The following SOX6 variants were observed in gnomAD, a reference collection of about 807,000 sequenced individuals.
SOX6 encodes SRY-box transcription factor 6, also known as transcription factor SOX-6.
Under a neutral mutation model 97.8 loss-of-function variants are expected in SOX6, and 11 were observed. That is an observed-to-expected ratio of 0.11 (90% CI 0.07 to 0.19). The LOEUF (loss-of-function observed/expected upper bound fraction) is 0.19. Ranked by LOEUF, SOX6 falls within the 10% of genes least tolerant of loss-of-function variation. The pLI is 1.00. For synonymous variants in SOX6, 360 were observed against 371.4 expected, an observed-to-expected ratio of 0.97 and a Z score of 0.35; for missense variants, 810 against 1,039.5, an observed-to-expected ratio of 0.78 and a Z score of 3.04.
rs145448276 is a variant in SOX6, at chr11:16,695,087, G to A, written n.429+19743C>T. Among the ~76,000 whole-genome samples the A allele has an allele frequency of 8.5e-5, 13 of 152,222 alleles. No individual in the cohort carries two copies. The East Asian group carries it at 9.7e-4, about 11-fold the overall frequency. On this transcript the variant is annotated intron_variant and non_coding_transcript_variant, in intron 3 of 5. Coordinates refer to the SOX6 transcript ENST00000524520. ...GGAGGTCTTGGAATCAATCCCCCACGGATACCAAGGGATGACTGTAGTTCC... is the reference window on the plus strand; with the variant it reads ...GGAGGTCTTGGAATCAATCCCCCACAGATACCAAGGGATGACTGTAGTTCC...
chr11:16,410,631 G>A (rs960348339), intron 1 of SOX6, among the ~76,000 whole-genome samples: 5 of 151,540 alleles, frequency 3.3e-5, no homozygotes, highest in South Asian at 2.1e-4. Flanking sequence ...GGTGGTGTGC[G>A]CCTCTAATCC....
intron 4 of SOX6, among the ~76,000 whole-genome samples, chr11:16,489,596 C>A (rs1027217939): frequency 6.6e-6 from 1 of 152,008 alleles, no homozygotes; most frequent in Non-Finnish European, 1.5e-5. Flanking sequence ...ACTACTTTTT[C>A]CTTGATAAAT....
chr11:16,463,309 G>A (rs1859967485), intron 1 of SOX6, among the ~76,000 whole-genome samples: 1 of 152,022 alleles, frequency 6.6e-6, no homozygotes, highest in African/African-American at 2.4e-5. Context: ...TATACATCAG[G>A]CACTGTGCTA....
intron 3 of SOX6, among the ~76,000 whole-genome samples, chr11:16,705,655 C>A (rs1848126788): frequency 6.6e-6 from 1 of 151,994 alleles, no homozygotes; most frequent in Non-Finnish European, 1.5e-5. Flanking sequence ...TGTTAATGGG[C>A]ATACAATGTA....
chr11:15,994,417 C>T (rs1044402266), intron 13 of SOX6, among the ~76,000 whole-genome samples: 26 of 138,338 alleles, frequency 1.9e-4, no homozygotes, highest in South Asian at 7.0e-4. Context: ...AAGAAGCTGG[C>T]GATGGCTTGG....
At chr11:16,578,581 G>A (rs1589992916) in intron 4 of SOX6, among the ~76,000 whole-genome samples, 1 of 152,044 alleles carries the variant, frequency 6.6e-6, no homozygotes, top group Non-Finnish European at 1.5e-5. Context: ...AGCTGAGAGT[G>A]CTGAAGGAAC....
chr11:16,581,419 G>GGA (rs1470548446), intron 4 of SOX6, among the ~76,000 whole-genome samples: 1 of 152,086 alleles, frequency 6.6e-6, no homozygotes, highest in Non-Finnish European at 1.5e-5. Context: ...ATGGACACAG[G>GGA]GAGAGGAACA....
At chr11:16,241,532 G>A (rs1853194399) in intron 3 of SOX6, among the ~76,000 whole-genome samples, 1 of 151,920 alleles carries the variant, frequency 6.6e-6, no homozygotes, top group African/African-American at 2.4e-5. Context: ...TAATTTCTGT[G>A]GAGATAATAA....
chr11:16,206,822 C>T (rs1211015548), intron 4 of SOX6, among the ~76,000 whole-genome samples: 1 of 152,080 alleles, frequency 6.6e-6, no homozygotes, highest in Admixed American at 6.6e-5. Context: ...CTTTCATTGA[C>T]TAGAAAGTGT....
At chr11:16,714,062 T>C (rs1848199822) in intron 3 of SOX6, among the ~76,000 whole-genome samples, 1 of 152,222 alleles carries the variant, frequency 6.6e-6, no homozygotes, top group South Asian at 2.1e-4. Context: ...AACTCCTTCC[T>C]CATATTCCAA....
chr11:16,679,786 C>G (rs540928841), intron 3 of SOX6, among the ~76,000 whole-genome samples: 1 of 152,132 alleles, frequency 6.6e-6, no homozygotes, highest in African/African-American at 2.4e-5. Context: ...GAGCTGAAAA[C>G]CAAAGCACAA....
At chr11:16,693,388 C>T (rs1004777021) in intron 3 of SOX6, among the ~76,000 whole-genome samples, 7 of 151,994 alleles carry the variant, frequency 4.6e-5, no homozygotes, top group Admixed American at 3.3e-4. Context: ...TGTTTATTCA[C>T]TATATACAAT....
At chr11:16,417,490 G>A (rs1346735338) in intron 1 of SOX6, among the ~76,000 whole-genome samples, 3 of 152,150 alleles carry the variant, frequency 2.0e-5, no homozygotes, top group African/African-American at 7.2e-5. Context: ...CTGGATTTAG[G>A]AGGATTCTCT....
chr11:16,428,419 G>A lies in SOX6; in HGVS notation c.-5+47896C>T, dbSNP rs567903710. 2.6e-3 allele frequency among the ~76,000 whole-genome samples: 396 copies of A among 152,252 alleles called. 3 individuals carry two copies. Among genetic ancestry groups the A allele is most frequent in the African/African-American group, 9.0e-3 (373 of 41,566 alleles). ...TCTTGCCCATGCCTATGTCCTGAAT[G>A]TATTGCCTAGGTTTTCTTCTAGGGT... On this transcript the variant is annotated intron_variant, in intron 1 of 15. Transcript: ENST00000396356.
At chr11:16,389,278 G>T (rs930567167) in intron 1 of SOX6, among the ~76,000 whole-genome samples, 1 of 152,210 alleles carries the variant, frequency 6.6e-6, no homozygotes, top group Non-Finnish European at 1.5e-5. Flanking sequence ...ACAGGGTCTT[G>T]CTACATTGCC....
intron 4 of SOX6, among the ~76,000 whole-genome samples, chr11:16,558,376 T>A (rs548518610): frequency 2.0e-4 from 31 of 152,024 alleles, no homozygotes; most frequent in Non-Finnish European, 4.3e-4. Context: ...TGCCTCTTTC[T>A]GTGCCCAGTC....
chr11:16,559,079 G>A (rs1847779557), intron 4 of SOX6, among the ~76,000 whole-genome samples: 1 of 151,964 alleles, frequency 6.6e-6, no homozygotes, highest in African/African-American at 2.4e-5. Flanking sequence ...AAAGCAGTCT[G>A]ACTTCAATCA....
Position 15,974,322 on chromosome 11 carries a change from A to T in SOX6, c.2184-1210T>A, listed in dbSNP as rs111724481. Among the ~76,000 whole-genome samples, 1,271 of 150,490 alleles carry T rather than the reference A, an allele frequency of 8.4e-3. 27 individuals are homozygous for T. The highest frequency in any genetic ancestry group is 0.029 in the African/African-American group (1,178 of 40,754). ...AACAGGAAAATACTCTGAATCTATG[A>T]AGAAGTAGCTTAGCTACCTGCCATT... On this transcript the variant is annotated intron_variant, in intron 15 of 15. Transcript: ENST00000683767.
At chr11:16,183,248 T>C (rs2082357579) in intron 6 of SOX6, among the ~76,000 whole-genome samples, 1 of 151,962 alleles carries the variant, frequency 6.6e-6, no homozygotes, top group Non-Finnish European at 1.5e-5. Flanking sequence ...TCACCTTTCC[T>C]CCCCAGATCA....
Sources: gnomAD v4.1 joint callset for allele counts (sites outside exome capture counted in the v4.1 genomes callset) on GRCh38, gnomAD v4.1.1 for gene constraint, MANE v1.5 for transcripts, NCBI Gene and HGNC (gene_info 2026-07-23, HGNC 2026-07-21) for gene names.